PCDHA8: variants seen among roughly 807,000 people sequenced by gnomAD.
PCDHA8 encodes the protein protocadherin alpha 8, also known as protocadherin alpha-8.
PCDHA8 carries 53 observed loss-of-function variants against 61.8 expected under a neutral mutation model. The observed-to-expected ratio is 0.86, with a 90% CI of 0.69 to 1.08. The LOEUF is 1.08. PCDHA8 is among the 50% of genes least tolerant of loss of function. The pLI, the probability that PCDHA8 is intolerant of heterozygous loss-of-function variation, is 0.00. For synonymous variants in PCDHA8, 618 were observed against 556.6 expected, an observed-to-expected ratio of 1.11 and a Z score of -1.55; for missense variants, 1,293 against 1,245.0, an observed-to-expected ratio of 1.04 and a Z score of -0.58.
intron 1 of PCDHA8, among the ~76,000 whole-genome samples, chr5:140,962,596 T>C (rs2095694957): frequency 6.6e-6 from 1 of 152,218 alleles, no homozygotes; most frequent in South Asian, 2.1e-4. Flanking sequence ...TTGACTGATA[T>C]ATTTCTTCTG....
chr5:140,922,093 C>T (rs1037802949), intron 1 of PCDHA8, among the ~76,000 whole-genome samples: 6 of 151,986 alleles, frequency 3.9e-5, no homozygotes, highest in Middle Eastern at 3.4e-3. Flanking sequence ...GTATTTCTAC[C>T]AACTATAGAT....
intron 1 of PCDHA8, among the ~76,000 whole-genome samples, chr5:140,910,884 T>C (rs748501328): frequency 3.3e-5 from 5 of 152,254 alleles, no homozygotes; most frequent in Non-Finnish European, 7.3e-5. Flanking sequence ...ACCCTTAATA[T>C]CCATTCCTAT....
At chr5:140,912,472 G>A (rs993404931) in intron 1 of PCDHA8, among the ~76,000 whole-genome samples, 4 of 151,836 alleles carry the variant, frequency 2.6e-5, no homozygotes, top group African/African-American at 9.7e-5. Context: ...GAACTTTACT[G>A]AATTCATTTA....
rs367885958 is a variant in PCDHA8, at chr5:140,884,427, C to G, written c.2394+40712C>G. The G allele has an allele frequency of 2.5e-5, 40 of 1,613,840 alleles. No individual in the cohort carries two copies. The African/African-American group carries it at 5.1e-4, about 20-fold the overall frequency. ...GTGCTCACGTTGCTGCTGTATACTG[C>G]GCTGCGGTGCTCGGCACCGCCCACC... is the stretch of plus-strand genomic sequence containing the variant. On this transcript the variant is annotated intron_variant, in intron 1 of 3. Coordinates refer to ENST00000531613, the MANE Select transcript of PCDHA8 (RefSeq NM_018911.3).
intron 1 of PCDHA8, among the ~76,000 whole-genome samples, chr5:140,947,310 A>G (rs1554218156): frequency 6.6e-6 from 1 of 151,620 alleles, no homozygotes; most frequent in Admixed American, 6.6e-5. Flanking sequence ...ATCTTTGTAA[A>G]AAGTCGGTTG....
chr5:140,842,552 A>T lies in PCDHA8; in HGVS notation c.1231A>T (p.Ser411Cys). Residue 411 changes from serine (S) to cysteine (C), a missense_variant, in exon 1 of 4, where the codon AGC becomes TGC. Coordinates refer to ENST00000531613, the MANE Select transcript of PCDHA8 (RefSeq NM_018911.3). ...GAATTACTACTCGTTGGTGCTGGAC[A>T]GCGCCCTGGACCGCGAGAGAGTGTC... is the stretch of plus-strand genomic sequence containing the variant. Reference protein sequence around the residue: ...FKNYYSLVLDSALDRERVSAY... With the variant: ...FKNYYSLVLDCALDRERVSAY... 1 of 1,596,224 alleles carries T rather than the reference A, an allele frequency of 6.3e-7. No homozygotes were observed. The highest frequency in any genetic ancestry group is 8.6e-7 in the Non-Finnish European group (1 of 1,165,570).
At chr5:140,856,225 G>A (rs1554148421) in intron 1 of PCDHA8, 1 of 1,598,066 alleles carries the variant, frequency 6.3e-7, no homozygotes, top group Non-Finnish European at 8.6e-7. Context: ...CGGAGCTGGT[G>A]CAGCGCCTGT....
intron 1 of PCDHA8, chr5:140,884,430 T>C: frequency 1.9e-6 from 3 of 1,613,922 alleles, no homozygotes; most frequent in Non-Finnish European, 2.5e-6. Context: ...TATACTGCGC[T>C]GCGGTGCTCG....
At chr5:140,910,116 A>C (rs1205054200) in intron 1 of PCDHA8, among the ~76,000 whole-genome samples, 1 of 152,222 alleles carries the variant, frequency 6.6e-6, no homozygotes, top group Non-Finnish European at 1.5e-5. Flanking sequence ...AAGGGATTCT[A>C]GGTCTGTAAA....
At chr5:140,877,488 C>T (rs781785108) in intron 1 of PCDHA8, 9 of 1,613,736 alleles carry the variant, frequency 5.6e-6, no homozygotes, top group Admixed American at 5.0e-5. Flanking sequence ...TGGTGGAGAA[C>T]GGCCAGGCCC....
chr5:140,927,422 T>G, intron 1 of PCDHA8: 1 of 1,614,028 alleles, frequency 6.2e-7, no homozygotes. Context: ...GGATCGCGGG[T>G]TGACGGCAGC....
At chr5:140,853,405 G>A (rs2042737613) in intron 1 of PCDHA8, 1 of 986,340 alleles carries the variant, frequency 1.0e-6, no homozygotes, top group Non-Finnish European at 1.2e-6. Flanking sequence ...GTTCAAAACA[G>A]AGAGGTGAAA....
chr5:140,863,494 C>T (rs1203332871), intron 1 of PCDHA8: 2 of 442,624 alleles, frequency 4.5e-6, no homozygotes, highest in East Asian at 6.0e-5. Context: ...GTCAACATTA[C>T]GGCTTTTAGT....
At position 140,843,505 on chromosome 5, in the gene PCDHA8, T is replaced by A. The variant is rs2150361332; in HGVS notation, c.2184T>A (p.Thr728=). 1.3e-6 allele frequency: 2 copies of A among 1,595,718 alleles called. No homozygotes were observed. The highest frequency in any genetic ancestry group is 1.7e-5 in the Admixed American group (1 of 59,278). Residue 728 remains threonine, a synonymous_variant, in exon 1 of 4, where the codon ACT becomes ACA. Coordinates refer to ENST00000531613, the MANE Select transcript of PCDHA8 (RefSeq NM_018911.3). ...CGCTGCGGTGCTCAGCACTGCCCAC[T>A]GAGGGCGGGTGCCGGGCGGGCAAGC... ...YTALRCSALP[T]EGGCRAGKPT...
At chr5:140,969,578 G>A (rs2096343344) in intron 1 of PCDHA8, 2 of 957,378 alleles carry the variant, frequency 2.1e-6, no homozygotes, top group Admixed American at 5.9e-5. Context: ...TGAGAAGTGA[G>A]GATTAGTCTT....
intron 3 of PCDHA8, among the ~76,000 whole-genome samples, chr5:140,994,883 A>T (rs1197020328): frequency 6.6e-6 from 1 of 152,222 alleles, no homozygotes; most frequent in Non-Finnish European, 1.5e-5. Flanking sequence ...AAGAGATGTT[A>T]GGAAATGAGA....
At position 140,848,602 on chromosome 5, in the gene PCDHA8, C is replaced by T. The variant is rs140949600; in HGVS notation, c.2394+4887C>T. 50 of 1,593,476 alleles carry T rather than the reference C, an allele frequency of 3.1e-5. 3 individuals carry two copies. The African/African-American group carries it at 6.1e-4, about 19-fold the overall frequency. On this transcript the variant is annotated intron_variant, in intron 1 of 3. Transcript: ENST00000531613. ...AGCGGCCAGCTCCACTACTCCGTCC[C>T]GGAGGAAGCCGAACACGGCACCTTC...
At position 140,915,662 on chromosome 5, in the gene PCDHA8, G is replaced by T. The variant is rs75670796; in HGVS notation, c.2395-63287G>T. On this transcript the variant is annotated intron_variant, in intron 1 of 3. Transcript: ENST00000531613. ...TCTCTCTCTCTCTCTCTCTCAAGGT[G>T]CTGGGCCATCTTGAACTAGGGGTAT... is the stretch of plus-strand genomic sequence containing the variant. 8.2e-3 allele frequency among the ~76,000 whole-genome samples: 1,195 copies of T among 145,332 alleles called. 7 individuals are homozygous for T. Among genetic ancestry groups the T allele is most frequent in the African/African-American group, 0.02 (782 of 39,430 alleles).
At chr5:140,913,969 AT>A (rs1304513966) in intron 1 of PCDHA8, among the ~76,000 whole-genome samples, 3 of 152,098 alleles carry the variant, frequency 2.0e-5, no homozygotes, top group Admixed American at 2.0e-4. Context: ...TTAAAAAAAT[AT>A]TTTAGGACTT....
Sources: allele counts gnomAD v4.1 joint callset (sites outside exome capture counted in the v4.1 genomes callset), GRCh38; gene constraint gnomAD v4.1.1; transcripts MANE v1.5; gene names NCBI Gene and HGNC (gene_info 2026-07-23, HGNC 2026-07-21).